NHSL2: variants seen among roughly 807,000 people sequenced by gnomAD.
NHSL2 encodes NHS-like protein 2.
In NHSL2, 27 loss-of-function variants were observed where a neutral mutation model predicts 53.4. That is an observed-to-expected ratio of 0.51 (90% CI 0.37 to 0.70). The LOEUF is 0.70. NHSL2 is among the 30% of genes least tolerant of loss of function. NHSL2 has a pLI of 0.00. For synonymous variants in NHSL2, 408 were observed against 404.1 expected, an observed-to-expected ratio of 1.01 and a Z score of -0.12; for missense variants, 892 against 980.1, an observed-to-expected ratio of 0.91 and a Z score of 1.20.
chrX:71,958,911 A>T lies in NHSL2; in HGVS notation c.280+47544A>T, dbSNP rs930724273. ...AGTTAAGCAACTGCCAAGGATGCAG[A>T]TAGGAAGGTGAAATTGGATATCAGG... On this transcript the variant is annotated intron_variant, in intron 1 of 7. Coordinates refer to ENST00000633930, the MANE Select transcript of NHSL2 (RefSeq NM_001013627.3). 5.3e-5 allele frequency among the ~76,000 whole-genome samples: 6 copies of T among 112,380 alleles called. No individual in the cohort carries two copies. The South Asian group carries it at 2.2e-3, about 41-fold the overall frequency.
At chrX:71,992,184 C>T (rs1489167279) in intron 1 of NHSL2, among the ~76,000 whole-genome samples, 1 of 112,758 alleles carries the variant, frequency 8.9e-6, no homozygotes, top group African/African-American at 3.2e-5. Flanking sequence ...CATAGTCAGG[C>T]ACTGGGTCAA....
chrX:72,020,316 A>T (rs1043267446), intron 1 of NHSL2, among the ~76,000 whole-genome samples: 2 of 112,559 alleles, frequency 1.8e-5, no homozygotes, highest in Non-Finnish European at 3.8e-5. Flanking sequence ...CAGCAAAAGC[A>T]TGAGCTGGGG....
Position 72,144,704 on chromosome X carries a change from GCACACACACACACACACA to G in NHSL2, c.*1155_*1172del, listed in dbSNP as rs55912050. On this transcript the variant is annotated 3_prime_UTR_variant, in exon 8 of 8. Transcript: ENST00000633930. Reference sequence around the variant, plus strand: ...CTTGCCAGTTGCTATGGCCCATAATGCACACACACACACACACACACACACACACACACACACACACAA... The same window carrying G: ...CTTGCCAGTTGCTATGGCCCATAATGCACACACACACACACACACACACAA... 7.5e-5 allele frequency: 12 copies of G among 159,132 alleles called. No individual in the cohort carries two copies. Among genetic ancestry groups the G allele is most frequent in the African/African-American group, 1.5e-4 (4 of 27,430 alleles). The allele number at this position is 159,132 out of a possible 1,213,427, so 13.1% of individuals were successfully genotyped here. A position where few individuals can be genotyped will look rare whatever the true frequency, so the allele number is the denominator to read the frequency against.
intron 1 of NHSL2, among the ~76,000 whole-genome samples, chrX:72,067,490 T>C (rs769164163): frequency 2.5e-4 from 28 of 111,971 alleles, no homozygotes; most frequent in African/African-American, 9.1e-4. Context: ...AGTCCATGTT[T>C]ACAACCTTGA....
chrX:72,069,363 G>A (rs1197053818), intron 1 of NHSL2, among the ~76,000 whole-genome samples: 1 of 105,418 alleles, frequency 9.5e-6, no homozygotes, highest in Non-Finnish European at 2.0e-5. Flanking sequence ...TGCTCGACCC[G>A]AGTGGAGCAC....
At chrX:71,935,536 T>C (rs2041734077) in intron 1 of NHSL2, among the ~76,000 whole-genome samples, 1 of 112,928 alleles carries the variant, frequency 8.9e-6, no homozygotes, top group Admixed American at 9.3e-5. Context: ...CGAAATAAAA[T>C]GAAAGAGTCT....
intron 1 of NHSL2, among the ~76,000 whole-genome samples, chrX:71,977,251 A>C (rs1018804301): frequency 8.9e-6 from 1 of 111,762 alleles, no homozygotes; most frequent in Non-Finnish European, 1.9e-5. Flanking sequence ...TCATCTGTAA[A>C]GTGGCAGATA....
intron 1 of NHSL2, among the ~76,000 whole-genome samples, chrX:72,115,432 G>A (rs865882505): frequency 7.4e-5 from 3 of 40,518 alleles, no homozygotes; most frequent in Admixed American, 6.5e-4. Context: ...TGGTGGGGGC[G>A]GGGGGGGGGT....
intron 1 of NHSL2, among the ~76,000 whole-genome samples, chrX:72,042,346 A>G (rs1345789220): frequency 2.7e-5 from 3 of 112,571 alleles, no homozygotes; most frequent in Non-Finnish European, 5.6e-5. Flanking sequence ...GTGGCTCTGC[A>G]GTGGCCGGCA....
At chrX:72,041,534 C>T (rs1260502644) in intron 1 of NHSL2, among the ~76,000 whole-genome samples, 1 of 112,240 alleles carries the variant, frequency 8.9e-6, no homozygotes, top group African/African-American at 3.2e-5. Flanking sequence ...TTGTAAGCTA[C>T]ACCATCAAAA....
At position 72,144,683 on chromosome X, in the gene NHSL2, C is replaced by A; in HGVS notation, c.*1109C>A. 2.6e-6 allele frequency: 1 copy of A among 391,220 alleles called. No individual in the cohort carries two copies. Among genetic ancestry groups the A allele is most frequent in the South Asian group, 2.9e-5 (1 of 34,762 alleles). The allele number at this position is 391,220 out of a possible 1,213,427, so 32.2% of individuals were successfully genotyped here. On this transcript the variant is annotated 3_prime_UTR_variant, in exon 8 of 8. Coordinates refer to ENST00000633930, the MANE Select transcript of NHSL2 (RefSeq NM_001013627.3). ...ATCCAAAATCTAAAAGGCAGTCTTGCCAGTTGCTATGGCCCATAATGCACA... is the reference window on the plus strand; with the variant it reads ...ATCCAAAATCTAAAAGGCAGTCTTGACAGTTGCTATGGCCCATAATGCACA...
intron 1 of NHSL2, chrX:72,131,497 T>G: frequency 8.3e-7 from 1 of 1,201,199 alleles, no homozygotes; most frequent in Non-Finnish European, 1.1e-6. Flanking sequence ...CAGGGCCACA[T>G]TCGCCATGCG....
intron 1 of NHSL2, among the ~76,000 whole-genome samples, chrX:72,004,926 G>A (rs1368530397): frequency 9.0e-6 from 1 of 111,258 alleles, no homozygotes; most frequent in Non-Finnish European, 1.9e-5. Flanking sequence ...CCCTTGCTGG[G>A]AAGGGGCCCC....
At chrX:71,919,874 G>A (rs1026069864) in intron 1 of NHSL2, among the ~76,000 whole-genome samples, 11 of 112,857 alleles carry the variant, frequency 9.7e-5, no homozygotes, top group African/African-American at 3.2e-4. Context: ...TAGCCAGGCA[G>A]TGTCCCCTGC....
In NHSL2 at chrX:72,108,687, T is replaced by A. The variant is rs150537988; in HGVS notation, c.281-23392T>A. Among the ~76,000 whole-genome samples the A allele has an allele frequency of 2.9e-3, 323 of 112,186 alleles. 2 individuals are homozygous for A. Among genetic ancestry groups the A allele is most frequent in the African/African-American group, 0.01 (316 of 30,882 alleles). ...CTCCAGTGAGCATCTAGACGTGAAATCCCGAGGCCTTGGATGGGCTTTCTA... is the reference window on the plus strand; with the variant it reads ...CTCCAGTGAGCATCTAGACGTGAAAACCCGAGGCCTTGGATGGGCTTTCTA... On this transcript the variant is annotated intron_variant, in intron 1 of 7. Coordinates refer to ENST00000633930, the MANE Select transcript of NHSL2 (RefSeq NM_001013627.3).
intron 1 of NHSL2, among the ~76,000 whole-genome samples, chrX:71,973,131 GGTT>G (rs949198955): frequency 3.6e-5 from 4 of 111,775 alleles, no homozygotes; most frequent in Non-Finnish European, 5.6e-5. Context: ...ATTTGTCACA[GGTT>G]GTGAGCCAGT....
chrX:72,129,914 C>T (rs1214715437), intron 1 of NHSL2: 2 of 1,211,243 alleles, frequency 1.7e-6, no homozygotes, highest in Admixed American at 2.2e-5. Flanking sequence ...CGTCTTCGAA[C>T]TTGGCGTTGT....
intron 1 of NHSL2, among the ~76,000 whole-genome samples, chrX:72,102,443 A>T (rs2042002998): frequency 8.9e-6 from 1 of 111,753 alleles, no homozygotes; most frequent in Non-Finnish European, 1.9e-5. Flanking sequence ...ATATAATCTT[A>T]GTCAAAAGTC....
At chrX:71,990,329 T>C (rs2042022050) in intron 1 of NHSL2, among the ~76,000 whole-genome samples, 1 of 110,948 alleles carries the variant, frequency 9.0e-6, no homozygotes, top group South Asian at 3.8e-4. Flanking sequence ...CCCAGATTCT[T>C]TCTATTGGTC....
Sources: gnomAD v4.1 joint callset for allele counts (sites outside exome capture counted in the v4.1 genomes callset) on GRCh38, gnomAD v4.1.1 for gene constraint, MANE v1.5 for transcripts, NCBI Gene and HGNC (gene_info 2026-07-23, HGNC 2026-07-21) for gene names.